LAMA4: variants seen among roughly 807,000 people sequenced by gnomAD.
The protein encoded by LAMA4 is laminin subunit alpha 4, also known as laminin subunit alpha-4.
In LAMA4, 127 loss-of-function variants were observed where a neutral mutation model predicts 207.1. That is an observed-to-expected ratio of 0.61 (90% CI 0.53 to 0.71). LAMA4 has a LOEUF of 0.71. Ranked by LOEUF, LAMA4 falls within the 30% of genes least tolerant of loss-of-function variation. The pLI, the probability that LAMA4 is intolerant of heterozygous loss-of-function variation, is 0.00. For missense variants in LAMA4, 2,093 were observed against 2,246.5 expected, an observed-to-expected ratio of 0.93 and a Z score of 1.38; for synonymous variants, 761 against 816.0, an observed-to-expected ratio of 0.93 and a Z score of 1.15.
intron 2 of LAMA4, chr6:112,216,725 A>G (rs1784647574): frequency 2.1e-6 from 1 of 477,402 alleles, no homozygotes; most frequent in South Asian, 2.1e-5. Context: ...AATGCCTTTA[A>G]CACTGTCTTA....
chr6:112,244,850 CA>C (rs1786796866), intron 2 of LAMA4, among the ~76,000 whole-genome samples: 1 of 152,194 alleles, frequency 6.6e-6, no homozygotes, highest in African/African-American at 2.4e-5. Context: ...ACTCTGCTTT[CA>C]AACAGGTCTC....
chr6:112,188,720 CTT>C (rs1312862336), intron 7 of LAMA4, among the ~76,000 whole-genome samples: 2 of 152,192 alleles, frequency 1.3e-5, no homozygotes, highest in Non-Finnish European at 2.9e-5. Flanking sequence ...ACTTAAATCT[CTT>C]GGTATCTCAG....
rs1562647091 is a variant in LAMA4 at position 112,136,178 on chromosome 6, ACAGGGCCAC to A, written c.3350_3358del (p.Gly1117_Pro1119del). 1.2e-6 allele frequency: 2 copies of A among 1,612,724 alleles called. No homozygotes were observed. ...TTTCTTTAACGTATCTTCAAGATGC[ACAGGGCCAC>A]CGCTGAATCCAAAATCATAGAACAC... On this transcript the variant is annotated inframe_deletion, in exon 25 of 39. Coordinates refer to ENST00000230538, the MANE Select transcript of LAMA4 (RefSeq NM_001105206.3).
rs376000544 is a variant in LAMA4, at chr6:112,190,935, C to CT, written c.718+700dup. Among the ~76,000 whole-genome samples the CT allele has an allele frequency of 3.9e-3, 234 of 59,346 alleles. 3 individuals carry two copies. The highest frequency in any genetic ancestry group is 0.015 in the African/African-American group (186 of 12,378). The allele number at this position is 59,346 out of a possible 152,430, so 38.9% of individuals were successfully genotyped here. Reference sequence around the variant, plus strand: ...TCTTTCTTTCTTTCTTTCTTTCTTTCTTTCTTTCTTTCCTTTCTTTCTTTC... The same window carrying CT: ...TCTTTCTTTCTTTCTTTCTTTCTTTCTTTTCTTTCTTTCCTTTCTTTCTTTC... On this transcript the variant is annotated intron_variant, in intron 6 of 38. Transcript: ENST00000230538.
chr6:112,172,801 A>C lies in LAMA4; in HGVS notation c.1361T>G (p.Leu454Arg), dbSNP rs1554342415. ...CCGCTGCCAGCTCTCAGCCTGGCTC[A>C]GTACTGGGAAGAAATGGAGATAAAG... ...DEEADEAYEL[L>R]SQAESWQRLH... The change falls in exon 12 of 39, where the codon CTG becomes CGG. Residue 454 changes from leucine to arginine, a missense_variant. This residue lies in a region of LAMA4 where 1,704 missense variants were observed against 1,788.4 expected (regional missense o/e 0.95). Transcript: ENST00000230538. The C allele has an allele frequency of 6.2e-7, 1 of 1,612,914 alleles. No individual in the cohort carries two copies. The highest frequency in any genetic ancestry group is 8.5e-7 in the Non-Finnish European group (1 of 1,179,120).
chr6:112,114,066 C>G lies in LAMA4; in HGVS notation c.5326+10G>C, dbSNP rs781991737. On this transcript the variant is annotated intron_variant, in intron 38 of 38. Coordinates refer to ENST00000230538, the MANE Select transcript of LAMA4 (RefSeq NM_001105206.3). The stretch of plus-strand genomic sequence containing the variant: ...GGATTGGGAACTTTTCCTTTTTAAA[C>G]AACACTTACCTGGAACACCTCCAAC... 1.9e-6 allele frequency: 3 copies of G among 1,613,652 alleles called. No individual in the cohort carries two copies. The African/African-American group carries it at 4.0e-5, about 22-fold the overall frequency.
intron 9 of LAMA4, chr6:112,178,678 G>T: frequency 5.8e-6 from 1 of 171,724 alleles, no homozygotes; most frequent in Non-Finnish European, 1.3e-5. Context: ...ACAATGTTTG[G>T]TTTTCCATTC....
intron 18 of LAMA4, 63 bp downstream of exon 18, chr6:112,148,094 A>C: frequency 6.8e-7 from 1 of 1,463,744 alleles, no homozygotes; most frequent in Non-Finnish European, 9.6e-7. Context: ...TTGACAAAAG[A>C]TGTATAGAGT....
chr6:112,148,148 A>C lies in LAMA4; in HGVS notation c.2353+9T>G. 1 of 1,611,438 alleles carries C rather than the reference A, an allele frequency of 6.2e-7. No individual in the cohort carries two copies. The highest frequency in any genetic ancestry group is 1.1e-5 in the South Asian group (1 of 91,044). On this transcript the variant is annotated intron_variant, in intron 18 of 38. Coordinates refer to ENST00000230538, the MANE Select transcript of LAMA4 (RefSeq NM_001105206.3). ...ATTAGATTCAAATTGTGAAATTTCTAAGTGATACCTGCATCCCTAGCAGAG... is the reference window on the plus strand; with the variant it reads ...ATTAGATTCAAATTGTGAAATTTCTCAGTGATACCTGCATCCCTAGCAGAG...
At chr6:112,123,884 T>C (rs1015131253) in intron 31 of LAMA4, among the ~76,000 whole-genome samples, 7 of 152,170 alleles carry the variant, frequency 4.6e-5, no homozygotes, top group African/African-American at 1.4e-4. Context: ...GTTTCTCTCT[T>C]GGATGGGGGA....
intron 38 of LAMA4, among the ~76,000 whole-genome samples, chr6:112,110,390 T>A (rs1377544488): frequency 1.3e-5 from 2 of 152,148 alleles, no homozygotes; most frequent in Non-Finnish European, 2.9e-5. Context: ...AGATAAAGGA[T>A]GGAAAACACT....
intron 8 of LAMA4, among the ~76,000 whole-genome samples, chr6:112,185,905 T>C (rs2114933429): frequency 6.6e-6 from 1 of 152,326 alleles, no homozygotes; most frequent in African/African-American, 2.4e-5. Context: ...TAATGATTCC[T>C]GTCTTGAAGT....
At position 112,141,404 on chromosome 6, in the gene LAMA4, G is replaced by A. The variant is rs2114703708; in HGVS notation, c.2767C>T (p.Pro923Ser). The A allele has an allele frequency of 6.2e-7, 1 of 1,614,012 alleles. No homozygotes were observed. Among genetic ancestry groups the A allele is most frequent in the Non-Finnish European group, 8.5e-7 (1 of 1,179,900 alleles). Residue 923 changes from proline to serine, a missense_variant, in exon 21 of 39, where the codon CCC (proline) becomes TCC (serine). Pro to Ser is a moderately conservative substitution (Grantham distance 74). Around this residue, in one of 3 missense-constraint regions of LAMA4, gnomAD observed 1,704 missense variants for 1,788.4 expected, o/e 0.95. Transcript: ENST00000230538. The stretch of plus-strand genomic sequence containing the variant: ...AAGTAAGCAGGCCAGGAACTGACGG[G>A]CTTGGAGTCCAGGGGAATCTCCACA... The part of the protein sequence containing the change: ...KDVEIPLDSK[P>S]VSSWPAYFSI...
chr6:112,238,117 G>C (rs975705912), intron 2 of LAMA4, among the ~76,000 whole-genome samples: 1 of 152,158 alleles, frequency 6.6e-6, no homozygotes, highest in Non-Finnish European at 1.5e-5. Context: ...CAACTCAAAT[G>C]CCACCTTGCC....
At chr6:112,134,735 A>G in intron 25 of LAMA4, 126 bp from the exon 26 acceptor site, 1 of 763,650 alleles carries the variant, frequency 1.3e-6, no homozygotes, top group Non-Finnish European at 2.2e-6. Context: ...TTGTTTGTTC[A>G]CAAAATGGGG....
At position 112,191,535 on chromosome 6, in the gene LAMA4, G is replaced by C. The variant is rs1466264767; in HGVS notation, c.718+101C>G. 3 of 830,078 alleles carry C rather than the reference G, an allele frequency of 3.6e-6. No homozygotes were observed. In the East Asian group the frequency reaches 7.9e-5, roughly 22 times the overall value. The allele number at this position is 830,078 out of a possible 1,614,324, so 51.4% of individuals were successfully genotyped here. A position where few individuals can be genotyped will look rare whatever the true frequency, so the allele number is the denominator to read the frequency against. ...ATTGCCCTGGGAAAGTGACAAGGGG[G>C]CACTCACAATACTTCCCCAAGAGAA... On this transcript the variant is annotated intron_variant, in intron 6 of 38. Transcript: ENST00000230538.
intron 2 of LAMA4, among the ~76,000 whole-genome samples, chr6:112,229,855 G>C (rs374851943): frequency 6.6e-6 from 1 of 152,202 alleles, no homozygotes; most frequent in South Asian, 2.1e-4. Context: ...AATAGATAAG[G>C]GTTTGTATTC....
Position 112,157,857 on chromosome 6 carries a change from C to T in LAMA4, c.1817+875G>A, listed in dbSNP as rs1780812289. 3 of 152,322 alleles carry T rather than the reference C, an allele frequency of 2.0e-5. No individual in the cohort carries two copies. In the South Asian group the frequency reaches 6.2e-4, roughly 32 times the overall value. 9.4% of individuals were successfully genotyped at this position (152,322 alleles called of 1,614,324 possible). On this transcript the variant is annotated intron_variant, in intron 14 of 38. Transcript: ENST00000230538. ...TACCGAGTGGGATATGGCACTGTCTCACCCACTGACACACCAAGATTTTAT... is the reference window on the plus strand; with the variant it reads ...TACCGAGTGGGATATGGCACTGTCTTACCCACTGACACACCAAGATTTTAT...
chr6:112,155,887 C>A (rs1200562923), intron 14 of LAMA4, among the ~76,000 whole-genome samples, 181 bp from the exon 15 acceptor site: 1 of 152,178 alleles, frequency 6.6e-6, no homozygotes, highest in African/African-American at 2.4e-5. Flanking sequence ...TCTGTCTTTG[C>A]TGAACAGCAT....
Sources: allele counts gnomAD v4.1 joint callset (sites outside exome capture counted in the v4.1 genomes callset), GRCh38; gene constraint gnomAD v4.1.1; regional missense constraint gnomAD v4.1.1; transcripts MANE v1.5; gene names NCBI Gene and HGNC (gene_info 2026-07-23, HGNC 2026-07-21).